Variants in TSPEAR observed in about 807,000 individuals in gnomAD.
The protein encoded by TSPEAR is thrombospondin type laminin G domain and EAR repeats.
In TSPEAR, 69 loss-of-function variants were observed where a neutral mutation model predicts 71.6. The observed-to-expected ratio is 0.96, with a 90% confidence interval of 0.79 to 1.18. TSPEAR has a LOEUF of 1.18. Ranked by LOEUF, TSPEAR falls within the 50% of genes most tolerant of loss-of-function variation. TSPEAR has a pLI of 0.00. For missense variants in TSPEAR, 971 were observed against 894.9 expected, an observed-to-expected ratio of 1.09 and a Z score of -1.09; for synonymous variants, 402 against 387.2, an observed-to-expected ratio of 1.04 and a Z score of -0.45.
At chr21:44,606,183 A>C (rs1051112617) in intron 1 of TSPEAR, among the ~76,000 whole-genome samples, 3 of 148,350 alleles carry the variant, frequency 2.0e-5, no homozygotes, top group Non-Finnish European at 1.5e-5. Flanking sequence ...AAAAAAAAAA[A>C]CTACATAAAT....
rs199944478 is a variant in TSPEAR at position 44,573,884 on chromosome 21, C to T, written c.83-5879G>A. 3,217 of 1,604,618 alleles carry T rather than the reference C, an allele frequency of 2.0e-3. 5 individuals carry two copies. The African/African-American group carries it at 0.032, about 16-fold the overall frequency. The stretch of plus-strand genomic sequence containing the variant: ...AGAGCTGCTGCGAGCCCCCCTGCTG[C>T]GCCCCCAGCTGCTGCGCCCCGGCCC... On this transcript the variant is annotated intron_variant, in intron 1 of 11. Coordinates refer to ENST00000323084, the MANE Select transcript of TSPEAR (RefSeq NM_144991.3).
chr21:44,653,041 C>T (rs183084515), intron 1 of TSPEAR, among the ~76,000 whole-genome samples: 87 of 152,130 alleles, frequency 5.7e-4, no homozygotes, highest in East Asian at 2.7e-3. Flanking sequence ...ACCTGTAGTC[C>T]CAGATACTCG....
intron 1 of TSPEAR, among the ~76,000 whole-genome samples, chr21:44,688,224 T>C (rs1555949191): frequency 6.6e-6 from 1 of 151,960 alleles, no homozygotes; most frequent in Non-Finnish European, 1.5e-5. Context: ...GTACCCAGCA[T>C]TCAGGGAGAA....
At chr21:44,512,031 G>C (rs141561055) in intron 9 of TSPEAR, among the ~76,000 whole-genome samples, 117 of 152,350 alleles carry the variant, frequency 7.7e-4, no homozygotes, top group African/African-American at 2.6e-3. Context: ...GGGCCCAAAG[G>C]CATGGAGGAC....
chr21:44,677,771 C>T lies in TSPEAR; in HGVS notation c.82+33662G>A, dbSNP rs587713705. 1.9e-5 allele frequency: 25 copies of T among 1,330,544 alleles called. No homozygotes were observed. The African/African-American group carries it at 3.5e-4, about 18-fold the overall frequency. 82.4% of individuals were successfully genotyped at this position (1,330,544 alleles called of 1,614,324 possible). A position where few individuals can be genotyped will look rare whatever the true frequency, so the allele number is the denominator to read the frequency against. ...CACTAGAGATTTTTAGTGGACCAGA[C>T]TGAGTTGATTTCTTTGGCAATGGAA... On this transcript the variant is annotated intron_variant, in intron 1 of 11. Coordinates refer to ENST00000323084, the MANE Select transcript of TSPEAR (RefSeq NM_144991.3).
Position 44,499,790 on chromosome 21 carries a change from G to T in TSPEAR, c.2003C>A (p.Thr668Lys), listed in dbSNP as rs1271722176. The change falls in exon 12 of 12, where the codon ACA (threonine) becomes AAA (lysine). Residue 668 changes from threonine to lysine, a missense_variant. Coordinates refer to ENST00000323084, the MANE Select transcript of TSPEAR (RefSeq NM_144991.3). ...TGCCGGGCAGCCGCGGCCTCAGCGTGTCCTCAGCCGCAGGACCCTGGAGAG... is the reference window on the plus strand; with the variant it reads ...TGCCGGGCAGCCGCGGCCTCAGCGTTTCCTCAGCCGCAGGACCCTGGAGAG... ...EPLSRVLRLR[T>K]R is the part of the protein sequence containing the mutation. 6.4e-7 allele frequency: 1 copy of T among 1,567,542 alleles called. No homozygotes were observed. The highest frequency in any genetic ancestry group is 8.6e-7 in the Non-Finnish European group (1 of 1,157,674).
At position 44,657,954 on chromosome 21, in the gene TSPEAR, C is replaced by T. The variant is rs782731380; in HGVS notation, c.82+53479G>A. ...TTCCAGACATCACCATCCTCCTCCCCAGTACCAGCCCAGCCACACGCCACC... is the reference window on the plus strand; with the variant it reads ...TTCCAGACATCACCATCCTCCTCCCTAGTACCAGCCCAGCCACACGCCACC... On this transcript the variant is annotated intron_variant, in intron 1 of 11. Transcript: ENST00000323084. 1.9e-6 allele frequency: 3 copies of T among 1,605,126 alleles called. No individual in the cohort carries two copies. The African/African-American group carries it at 4.0e-5, about 21-fold the overall frequency.
At chr21:44,658,365 A>T in intron 1 of TSPEAR, 6 of 1,217,088 alleles carry the variant, frequency 4.9e-6, no homozygotes. Flanking sequence ...GCAGATGAAA[A>T]GCATGCCCAA....
At chr21:44,528,652 A>G (rs2052905528) in intron 5 of TSPEAR, 69 bp from the exon 6 acceptor site, 1 of 1,580,362 alleles carries the variant, frequency 6.3e-7, no homozygotes, top group Non-Finnish European at 8.6e-7. Context: ...ACACAGGAAG[A>G]GGCCCCCAAA....
intron 2 of TSPEAR, among the ~76,000 whole-genome samples, chr21:44,535,977 G>C (rs970914805): frequency 1.4e-4 from 21 of 151,376 alleles, no homozygotes; most frequent in African/African-American, 4.6e-4. Context: ...TGGACTTTCT[G>C]TTCTGCCCAA....
rs58426656 is a variant in TSPEAR, at chr21:44,524,785, CAG to C, written c.1336+866_1336+867del. 5.0e-3 allele frequency among the ~76,000 whole-genome samples: 764 copies of C among 151,668 alleles called. 5 individuals are homozygous for C. The highest frequency in any genetic ancestry group is 0.018 in the African/African-American group (730 of 41,304). ...GTCAGTCAGGTAATTAGTAGTCAGT[CAG>C]AGAGTCAGGTAGTCATTCAGATAGA... On this transcript the variant is annotated intron_variant, in intron 8 of 11. Coordinates refer to ENST00000323084, the MANE Select transcript of TSPEAR (RefSeq NM_144991.3).
At chr21:44,681,975 C>T (rs1224957460) in intron 1 of TSPEAR, 1 of 1,613,698 alleles carries the variant, frequency 6.2e-7, no homozygotes, top group Non-Finnish European at 8.5e-7. Context: ...AGAGGACTGG[C>T]ATCTCACGGG....
chr21:44,698,143 C>T, intron 1 of TSPEAR: 1 of 655,428 alleles, frequency 1.5e-6, no homozygotes, highest in Non-Finnish European at 2.6e-6. Flanking sequence ...TCCACCCACT[C>T]CCCCGGCTCT....
intron 2 of TSPEAR, among the ~76,000 whole-genome samples, chr21:44,563,766 G>C (rs1390702173): frequency 6.6e-6 from 1 of 152,180 alleles, no homozygotes; most frequent in Non-Finnish European, 1.5e-5. Context: ...ACAGAGTTTG[G>C]TTCTTGTAAT....
intron 11 of TSPEAR, among the ~76,000 whole-genome samples, chr21:44,501,889 T>C (rs1296464246): frequency 1.3e-5 from 2 of 152,224 alleles, no homozygotes; most frequent in African/African-American, 4.8e-5. Flanking sequence ...ACTATCCCAG[T>C]CCACAGGTGC....
At chr21:44,553,342 T>TA (rs1194662984) in intron 2 of TSPEAR, among the ~76,000 whole-genome samples, 6 of 151,682 alleles carry the variant, frequency 4.0e-5, no homozygotes, top group East Asian at 1.9e-4. Flanking sequence ...TCTCCGATTC[T>TA]AAAAATAAAA....
At position 44,658,049 on chromosome 21, in the gene TSPEAR, T is replaced by C. The variant is rs1482835566; in HGVS notation, c.82+53384A>G. On this transcript the variant is annotated intron_variant, in intron 1 of 11. Coordinates refer to ENST00000323084, the MANE Select transcript of TSPEAR (RefSeq NM_144991.3). The stretch of plus-strand genomic sequence containing the variant: ...CATACACAGCCCCTGCCAGGCATCC[T>C]GCTATGTGCCCGTGAGCTGCCAGTC... 8 of 1,612,438 alleles carry C rather than the reference T, an allele frequency of 5.0e-6. No individual in the cohort carries two copies. The Admixed American group carries it at 1.3e-4, about 27-fold the overall frequency.
At position 44,710,308 on chromosome 21, in the gene TSPEAR, C is replaced by T. The variant is rs1988151561; in HGVS notation, c.82+1125G>A. Among the ~76,000 whole-genome samples the T allele has an allele frequency of 1.3e-5, 2 of 152,304 alleles. No individual in the cohort carries two copies. The highest frequency in any genetic ancestry group is 4.1e-4 in the South Asian group (2 of 4,826). On this transcript the variant is annotated intron_variant, in intron 1 of 11. Transcript: ENST00000323084. This position sits in a 1 kb window ranked among gnomAD's most constrained non-coding sequence, Gnocchi z 4.6. ...TTCAGTCCTGTCCCCAACACCCAGGCAGTAATGGTTCCAGCACGGAAGGTC... is the reference window on the plus strand; with the variant it reads ...TTCAGTCCTGTCCCCAACACCCAGGTAGTAATGGTTCCAGCACGGAAGGTC...
chr21:44,704,079 T>C (rs1377051509), intron 1 of TSPEAR, among the ~76,000 whole-genome samples: 32 of 152,186 alleles, frequency 2.1e-4, no homozygotes, highest in African/African-American at 7.7e-4. Context: ...TGGGCCAGCT[T>C]TTCCAGTGCA....
Sources: allele counts gnomAD v4.1 joint callset (sites outside exome capture counted in the v4.1 genomes callset), GRCh38; gene constraint gnomAD v4.1.1; non-coding constraint Gnocchi (gnomAD v3.1); transcripts MANE v1.5; gene names NCBI Gene and HGNC (gene_info 2026-07-23, HGNC 2026-07-21).